Variants in SNX2 observed in about 807,000 individuals in gnomAD.
The protein encoded by SNX2 is sorting nexin-2.
In SNX2, 25 loss-of-function variants were observed where a neutral mutation model predicts 69.9. That is an observed-to-expected ratio of 0.36 (90% CI 0.26 to 0.50). The LOEUF (loss-of-function observed/expected upper bound fraction) is 0.50. SNX2 is among the 20% of genes least tolerant of loss of function. SNX2 has a pLI of 0.97. For synonymous variants in SNX2, 229 were observed against 200.4 expected (o/e 1.14, Z -1.20); for missense variants, 551 against 613.3 (o/e 0.90, Z 1.07).
At chr5:122,797,732 C>T (rs1333669202) in intron 2 of SNX2, among the ~76,000 whole-genome samples, 1 of 152,122 alleles carries the variant, frequency 6.6e-6, no homozygotes, top group Non-Finnish European at 1.5e-5. Context: ...CAAAGTATGT[C>T]TCCAAGGAAA....
chr5:122,809,991 C>T (rs907497400), intron 7 of SNX2, among the ~76,000 whole-genome samples: 1 of 151,930 alleles, frequency 6.6e-6, no homozygotes, highest in East Asian at 1.9e-4. Flanking sequence ...AAAGGTAAAT[C>T]GGATGGTTGC....
chr5:122,817,363 T>C lies in SNX2; in HGVS notation c.996T>C (p.Cys332=). 1.9e-6 allele frequency: 3 copies of C among 1,613,356 alleles called. No individual in the cohort carries two copies. In the South Asian group the frequency reaches 3.3e-5, roughly 18 times the overall value. The change falls in exon 10 of 15, where the codon TGT becomes TGC. Residue 332 remains cysteine, a synonymous_variant. Transcript: ENST00000379516. The part of the protein sequence containing the change: ...KLHVSVEALV[C]HRKELSANTA... ...ATGTCAGTGTTGAAGCCTTGGTCTG[T>C]CATAGAAAAGGTTTGTTTGCCTTAC...
At chr5:122,793,772 G>T (rs1440768483) in intron 1 of SNX2, among the ~76,000 whole-genome samples, 1 of 151,530 alleles carries the variant, frequency 6.6e-6, no homozygotes. Flanking sequence ...AATTAGCTGG[G>T]CGTGATGGCA....
Position 122,808,316 on chromosome 5 carries a change from C to T in SNX2, c.683C>T (p.Ser228Phe), listed in dbSNP as rs1316257617. 6.2e-7 allele frequency: 1 copy of T among 1,611,106 alleles called. No individual in the cohort carries two copies. Residue 228 changes from serine to phenylalanine, a missense_variant, in exon 7 of 15, where the codon TCC becomes TTC. Physicochemically the swap from Ser to Phe is radical, Grantham distance 155. Coordinates refer to ENST00000379516, the MANE Select transcript of SNX2 (RefSeq NM_003100.4). Reference protein sequence around the residue: ...KVKVGKEDSSSTEFVEKRRAA... With the variant: ...KVKVGKEDSSFTEFVEKRRAA... ...AAAGTGGGTAAAGAAGACTCATCAT[C>T]CACTGAGTTTGTAGAAAAACGGAGA...
chr5:122,818,184 G>A (rs769814674), intron 10 of SNX2, among the ~76,000 whole-genome samples: 37 of 152,016 alleles, frequency 2.4e-4, no homozygotes, highest in Non-Finnish European at 5.0e-4. Context: ...CAGTTTCCAC[G>A]CAGTGTAATT....
upstream of SNX2, chr5:122,775,012 G>A: frequency 1.6e-6 from 2 of 1,259,538 alleles, no homozygotes; most frequent in Admixed American, 3.5e-5. Flanking sequence ...GCCGGGGGCG[G>A]GGAGGCTGGC....
intron 1 of SNX2, among the ~76,000 whole-genome samples, chr5:122,789,334 C>T (rs1000333930): frequency 7.2e-5 from 11 of 152,126 alleles, no homozygotes; most frequent in African/African-American, 2.7e-4. Context: ...GATTTGCACA[C>T]ATTCATTCAC....
chr5:122,815,742 A>T, intron 7 of SNX2, 154 bp from the exon 8 acceptor site: 1 of 414,654 alleles, frequency 2.4e-6, no homozygotes, highest in Non-Finnish European at 4.3e-6. Flanking sequence ...TAATTATTAA[A>T]TTGCTGTAAG....
chr5:122,826,123 A>C lies in SNX2; in HGVS notation c.1286A>C (p.Glu429Ala). 1.2e-6 allele frequency: 2 copies of C among 1,613,314 alleles called. No homozygotes were observed. The highest frequency in any genetic ancestry group is 1.7e-6 in the Non-Finnish European group (2 of 1,179,452). Residue 429 changes from glutamate to alanine, a missense_variant, in exon 12 of 15, where the codon GAA becomes GCA. Around this residue, in one of 2 missense-constraint regions of SNX2, gnomAD observed 360 missense variants for 450.4 expected, o/e 0.80. Transcript: ENST00000379516. ...CAAATTACTTTGCTCAAAAAACGTG[A>C]AGCTGAAGCAAAAATGATGGTTGCT... ...DAQITLLKKR[E>A]AEAKMMVANK... is the part of the protein sequence containing the mutation.
rs1222251709 is a variant in SNX2 at position 122,815,194 on chromosome 5, ATAGTGG to A, written c.723-699_723-694del. Among the ~76,000 whole-genome samples, 149 of 152,340 alleles carry A rather than the reference ATAGTGG, an allele frequency of 9.8e-4. 1 individual carries two copies. Among genetic ancestry groups the A allele is most frequent in the African/African-American group, 3.4e-3 (142 of 41,588 alleles). On this transcript the variant is annotated intron_variant, in intron 7 of 14. Transcript: ENST00000379516. Reference sequence around the variant, plus strand: ...TTTCTAATAAAGGGAAATTGATTTCATAGTGGTATTTCTAACTTTTTCATTTTTATT... The same window carrying A: ...TTTCTAATAAAGGGAAATTGATTTCATATTTCTAACTTTTTCATTTTTATT...
chr5:122,776,438 G>C (rs1198561791), intron 1 of SNX2, among the ~76,000 whole-genome samples: 2 of 151,904 alleles, frequency 1.3e-5, no homozygotes, highest in Non-Finnish European at 2.9e-5. Context: ...GTATTTATTA[G>C]GTTGGTGCAA....
chr5:122,777,882 A>G (rs1752889383), intron 1 of SNX2, among the ~76,000 whole-genome samples: 1 of 152,226 alleles, frequency 6.6e-6, no homozygotes, highest in Admixed American at 6.5e-5. Flanking sequence ...AATATACAAT[A>G]AATTGTTAAT....
chr5:122,806,071 C>T, intron 6 of SNX2, among the ~76,000 whole-genome samples: 1 of 150,174 alleles, frequency 6.7e-6, no homozygotes. Flanking sequence ...TGAGCCACCG[C>T]GCCTGGCCTG....
chr5:122,831,209 G>C lies in SNX2; in HGVS notation c.*1561G>C, dbSNP rs1170093379. On this transcript the variant is annotated 3_prime_UTR_variant, in exon 15 of 15. Transcript: ENST00000379516. ...ATATATCGAAGTATCCTTAGCATGT[G>C]TTTGCTTCTGCTTTAGTTGAAATGT... Among the ~76,000 whole-genome samples, 1 of 152,118 alleles carries C rather than the reference G, an allele frequency of 6.6e-6. No individual in the cohort carries two copies. Among genetic ancestry groups the C allele is most frequent in the East Asian group, 1.9e-4 (1 of 5,202 alleles).
At chr5:122,826,554 T>C in intron 12 of SNX2, 1 of 444,230 alleles carries the variant, frequency 2.3e-6, no homozygotes, top group Non-Finnish European at 3.0e-6. Flanking sequence ...TTATCCCCCA[T>C]ATATATGTAT....
intron 1 of SNX2, among the ~76,000 whole-genome samples, chr5:122,779,455 A>C (rs182845335): frequency 6.6e-6 from 1 of 152,258 alleles, no homozygotes; most frequent in East Asian, 1.9e-4. Context: ...CCTTTAGTAC[A>C]ATGGTTTCTA....
chr5:122,821,066 GAATT>G (rs1252513954), intron 11 of SNX2, among the ~76,000 whole-genome samples: 15 of 152,112 alleles, frequency 9.9e-5, no homozygotes, highest in African/African-American at 3.4e-4. Context: ...CTACACAAAG[GAATT>G]AAGATATTAT....
chr5:122,820,132 C>A (rs2150015701), intron 11 of SNX2, among the ~76,000 whole-genome samples: 1 of 152,242 alleles, frequency 6.6e-6, no homozygotes, highest in African/African-American at 2.4e-5. Context: ...TTTGTCCCAC[C>A]TACTCTCACT....
Position 122,811,560 on chromosome 5 carries a change from G to A in SNX2, c.722+3205G>A, listed in dbSNP as rs376076752. On this transcript the variant is annotated intron_variant, in intron 7 of 14. Transcript: ENST00000379516. ...AAAGTGTAAGTGTGAGGCTGGGCGC[G>A]GTGGCTCACACCTGTAATCCCAGCA... is the stretch of plus-strand genomic sequence containing the variant. 5.9e-5 allele frequency among the ~76,000 whole-genome samples: 9 copies of A among 152,070 alleles called. No individual in the cohort carries two copies. In the South Asian group the frequency reaches 1.5e-3, roughly 25 times the overall value.
Sources: allele counts gnomAD v4.1 joint callset (sites outside exome capture counted in the v4.1 genomes callset), GRCh38; gene constraint gnomAD v4.1.1; regional missense constraint gnomAD v4.1.1; transcripts MANE v1.5; gene names NCBI Gene and HGNC (gene_info 2026-07-23, HGNC 2026-07-21).